Variants in FAM171A1 observed in about 807,000 individuals in gnomAD.
The protein encoded by FAM171A1 is protein FAM171A1.
Under a neutral mutation model 74.9 loss-of-function variants are expected in FAM171A1, and 23 were observed. That is an observed-to-expected ratio of 0.31 (90% CI 0.22 to 0.44). FAM171A1 has a LOEUF of 0.44. Among genes scored for constraint, FAM171A1 ranks in the 20% least tolerant of loss-of-function variants. The pLI is 1.00. For synonymous variants in FAM171A1, 527 were observed against 505.7 expected, an observed-to-expected ratio of 1.04 and a Z score of -0.57; for missense variants, 1,162 against 1,159.2, an observed-to-expected ratio of 1.00 and a Z score of -0.03.
At chr10:15,279,221 A>G (rs551806408) in intron 2 of FAM171A1, among the ~76,000 whole-genome samples, 11 of 152,364 alleles carry the variant, frequency 7.2e-5, no homozygotes, top group African/African-American at 2.2e-4. Context: ...ACTTTCATAT[A>G]TAAGGCAGCT....
In FAM171A1 at chr10:15,248,822, G is replaced by C. The variant is rs189871756; in HGVS notation, c.578-7C>G. 2 of 1,596,966 alleles carry C rather than the reference G, an allele frequency of 1.3e-6. No homozygotes were observed. The highest frequency in any genetic ancestry group is 2.3e-5 in the South Asian group (2 of 88,092). ...TCATGCCTGGTGCTGTTTCCTAGAA[G>C]GAAGAGGCATTTTCCATCATTTGCA... On this transcript the variant is annotated splice_polypyrimidine_tract_variant and splice_region_variant and intron_variant, in intron 4 of 7. Transcript: ENST00000378116.
chr10:15,328,418 A>AT (rs1460375742), intron 1 of FAM171A1, among the ~76,000 whole-genome samples: 1 of 152,218 alleles, frequency 6.6e-6, no homozygotes, highest in East Asian at 1.9e-4. Flanking sequence ...AGGTGCTGGG[A>AT]TTACAGGCAT....
At chr10:15,356,736 C>T (rs1301358858) in intron 1 of FAM171A1, among the ~76,000 whole-genome samples, 4 of 151,914 alleles carry the variant, frequency 2.6e-5, no homozygotes, top group African/African-American at 4.8e-5. Context: ...TCTGGGGGGC[C>T]GAGGCGGGTG....
chr10:15,347,822 G>T (rs1339304741), intron 1 of FAM171A1, among the ~76,000 whole-genome samples: 8 of 121,752 alleles, frequency 6.6e-5, no homozygotes, highest in Non-Finnish European at 1.3e-4. Context: ...GCAACAGAGC[G>T]AGACTCCATC....
At chr10:15,215,668 A>C (rs1833957815) in intron 7 of FAM171A1, among the ~76,000 whole-genome samples, 1 of 152,160 alleles carries the variant, frequency 6.6e-6, no homozygotes, top group African/African-American at 2.4e-5. Flanking sequence ...CCCTGGCCCA[A>C]ATAAGAAGAG....
rs1288902617 is a variant in FAM171A1, at chr10:15,370,234, A to AT, written c.97+721dup. On this transcript the variant is annotated intron_variant, in intron 1 of 7. Transcript: ENST00000378116. The stretch of plus-strand genomic sequence containing the variant: ...CTGGCGACAAACTGATCTGGAAAGG[A>AT]TTTTTCTTTTTTTTTTTTTTTTTTT... Among the ~76,000 whole-genome samples the AT allele has an allele frequency of 3.1e-3, 393 of 127,692 alleles. 4 individuals are homozygous for AT. Among genetic ancestry groups the AT allele is most frequent in the African/African-American group, 0.011 (366 of 33,674 alleles). 83.8% of individuals were successfully genotyped at this position (127,692 alleles called of 152,430 possible).
chr10:15,318,461 G>C (rs934173256), intron 1 of FAM171A1, among the ~76,000 whole-genome samples: 1 of 152,116 alleles, frequency 6.6e-6, no homozygotes, highest in African/African-American at 2.4e-5. Context: ...AATCAACTTT[G>C]GCCTCTTGCA....
rs1452415705 is a variant in FAM171A1, at chr10:15,320,037, G to T, written c.98-35932C>A. ...TGCATGTTACATGAGTAAACTGCATGTCCTGAGAATTTAGTATGCAGGTTA... is the reference window on the plus strand; with the variant it reads ...TGCATGTTACATGAGTAAACTGCATTTCCTGAGAATTTAGTATGCAGGTTA... On this transcript the variant is annotated intron_variant, in intron 1 of 7. Transcript: ENST00000378116. Among the ~76,000 whole-genome samples the T allele has an allele frequency of 3.9e-5, 6 of 152,122 alleles. No individual in the cohort carries two copies. The East Asian group carries it at 1.2e-3, about 29-fold the overall frequency.
chr10:15,239,174 A>C (rs1307814882), intron 5 of FAM171A1, among the ~76,000 whole-genome samples: 2 of 152,222 alleles, frequency 1.3e-5, no homozygotes, highest in Admixed American at 6.5e-5. Flanking sequence ...ACTGTCCAGA[A>C]AGGCTCAGCT....
chr10:15,353,176 A>G (rs1835898585), intron 1 of FAM171A1, among the ~76,000 whole-genome samples: 1 of 152,204 alleles, frequency 6.6e-6, no homozygotes, highest in African/African-American at 2.4e-5. Context: ...AACAAAGAGA[A>G]GAGGGTGAGA....
chr10:15,251,013 T>C (rs1437331456), intron 4 of FAM171A1, among the ~76,000 whole-genome samples: 4 of 152,122 alleles, frequency 2.6e-5, no homozygotes, highest in Non-Finnish European at 4.4e-5. Context: ...CCCAGGAAGA[T>C]GGAGTCCCAG....
In FAM171A1 at chr10:15,227,756, T is replaced by G. The variant is rs1270629976; in HGVS notation, c.755-6696A>C. ...ATATTTTCAAGTATAAACAATTTGT[T>G]GAACTATCTTACTAATTTTTTGAAA... On this transcript the variant is annotated intron_variant, in intron 5 of 7. Transcript: ENST00000378116. 2.0e-5 allele frequency among the ~76,000 whole-genome samples: 3 copies of G among 152,254 alleles called. No homozygotes were observed. The East Asian group carries it at 5.8e-4, about 29-fold the overall frequency.
At chr10:15,301,364 T>TATATATATATATATATA (rs1323089320) in intron 1 of FAM171A1, among the ~76,000 whole-genome samples, 1 of 102,856 alleles carries the variant, frequency 9.7e-6, no homozygotes. Context: ...ATATATATAT[T>TATATATATATATATATA]TTTTTTTTTT....
intron 1 of FAM171A1, among the ~76,000 whole-genome samples, chr10:15,356,695 T>G (rs1199858346): frequency 6.6e-6 from 1 of 152,136 alleles, no homozygotes; most frequent in African/African-American, 2.4e-5. Flanking sequence ...TCTGGGCCTT[T>G]CGTGGTGGCT....
intron 1 of FAM171A1, among the ~76,000 whole-genome samples, chr10:15,310,799 C>T (rs1476263642): frequency 6.6e-6 from 1 of 151,682 alleles, no homozygotes; most frequent in Non-Finnish European, 1.5e-5. Flanking sequence ...AGGCAGAAGT[C>T]GCAGTGCATG....
At chr10:15,243,959 C>A (rs1256391533) in intron 5 of FAM171A1, among the ~76,000 whole-genome samples, 1 of 152,118 alleles carries the variant, frequency 6.6e-6, no homozygotes, top group Non-Finnish European at 1.5e-5. Flanking sequence ...ACCGTGTTAG[C>A]CAGGATGGTC....
chr10:15,270,175 A>C (rs1304541031), intron 3 of FAM171A1, among the ~76,000 whole-genome samples: 1 of 152,178 alleles, frequency 6.6e-6, no homozygotes, highest in Admixed American at 6.5e-5. Flanking sequence ...GGACACTCCC[A>C]CCCTAATACT....
chr10:15,322,739 T>C (rs1179406911), intron 1 of FAM171A1, among the ~76,000 whole-genome samples: 4 of 152,372 alleles, frequency 2.6e-5, no homozygotes, highest in Middle Eastern at 3.4e-3. Flanking sequence ...GGTCTGGTCC[T>C]TAGCCCTGAT....
chr10:15,266,664 G>A (rs905221329), intron 3 of FAM171A1, among the ~76,000 whole-genome samples: 52 of 152,084 alleles, frequency 3.4e-4, no homozygotes, highest in Non-Finnish European at 6.0e-4. Flanking sequence ...TCAGGAGTTC[G>A]AGACCAGCTT....
Sources: allele counts gnomAD v4.1 joint callset (sites outside exome capture counted in the v4.1 genomes callset), GRCh38; gene constraint gnomAD v4.1.1; transcripts MANE v1.5; gene names NCBI Gene and HGNC (gene_info 2026-07-23, HGNC 2026-07-21).